The following PTPRQ variants were observed in gnomAD, a reference collection of about 807,000 sequenced individuals.
PTPRQ encodes the protein protein tyrosine phosphatase receptor type Q.
In PTPRQ, 199 loss-of-function variants were observed where a neutral mutation model predicts 246.0. The observed-to-expected ratio is 0.81, with a 90% confidence interval of 0.72 to 0.91. PTPRQ has a LOEUF of 0.91. Ranked by LOEUF, PTPRQ falls within the 40% of genes least tolerant of loss-of-function variation. The pLI is 0.00. For missense variants in PTPRQ, 2,624 were observed against 2,528.4 expected, an observed-to-expected ratio of 1.04 and a Z score of -0.81; for synonymous variants, 869 against 853.2, an observed-to-expected ratio of 1.02 and a Z score of -0.32.
At chr12:80,648,977 C>T in intron 36 of PTPRQ, 54 bp downstream of exon 36, 1 of 1,466,688 alleles carries the variant, frequency 6.8e-7, no homozygotes, top group Non-Finnish European at 9.1e-7. Flanking sequence ...GTTAGATGCA[C>T]TGACTCAGTA....
At chr12:80,609,353 C>G (rs1329604241) in intron 27 of PTPRQ, among the ~76,000 whole-genome samples, 1 of 150,348 alleles carries the variant, frequency 6.7e-6, no homozygotes, top group African/African-American at 2.4e-5. Flanking sequence ...ACCAACCAAC[C>G]AAACAAAAAA....
At chr12:80,543,254 T>C (rs1490304714) in intron 23 of PTPRQ, among the ~76,000 whole-genome samples, 2 of 152,112 alleles carry the variant, frequency 1.3e-5, no homozygotes. Flanking sequence ...TTTAGAAAGG[T>C]ATTCATCTTT....
intron 28 of PTPRQ, 83 bp from the exon 29 acceptor site, chr12:80,613,509 G>T: frequency 7.4e-7 from 1 of 1,348,788 alleles, no homozygotes; most frequent in South Asian, 1.5e-5. Flanking sequence ...TTTAAAAACA[G>T]AAGTTCAAAG....
rs996666342 is a variant in PTPRQ, at chr12:80,572,840, C to G, written c.4286-15289C>G. ...TTGAATGTTAAATTATATTTACATTCCTGGGATAAAACACACTTGATCAGA... is the reference window on the plus strand; with the variant it reads ...TTGAATGTTAAATTATATTTACATTGCTGGGATAAAACACACTTGATCAGA... On this transcript the variant is annotated intron_variant, in intron 25 of 44. Transcript: ENST00000644991. Among the ~76,000 whole-genome samples, 9 of 152,046 alleles carry G rather than the reference C, an allele frequency of 5.9e-5. No homozygotes were observed. The South Asian group carries it at 6.2e-4, about 10-fold the overall frequency.
At chr12:80,487,333 C>T (rs1894309513) in intron 9 of PTPRQ, among the ~76,000 whole-genome samples, 1 of 152,098 alleles carries the variant, frequency 6.6e-6, no homozygotes, top group African/African-American at 2.4e-5. Flanking sequence ...GTGACCTGTG[C>T]AGGTTCCCAC....
intron 33 of PTPRQ, among the ~76,000 whole-genome samples, chr12:80,625,223 C>CT (rs1275249936): frequency 2.0e-5 from 3 of 152,082 alleles, no homozygotes; most frequent in Non-Finnish European, 2.9e-5. Flanking sequence ...TGATTGAGTC[C>CT]TTTTTTTCTC....
At position 80,539,897 on chromosome 12, in the gene PTPRQ, A is replaced by G. The variant is rs1896100193; in HGVS notation, c.3107A>G (p.Asn1036Ser). ...FWLTASTSVGNGNKSSDIIEV... is the reference protein window; with the variant it reads ...FWLTASTSVGSGNKSSDIIEV... ...TTAACAGCAAGTACTTCAGTTGGAAATGGGAATAAAAGCAGTGACATCATT... is the reference window on the plus strand; with the variant it reads ...TTAACAGCAAGTACTTCAGTTGGAAGTGGGAATAAAAGCAGTGACATCATT... The change falls in exon 20 of 45, where the codon AAT becomes AGT. Residue 1036 changes from asparagine (N) to serine (S), a missense_variant. Coordinates refer to ENST00000644991, the MANE Select transcript of PTPRQ (RefSeq NM_001145026.2). 4 of 1,548,966 alleles carry G rather than the reference A, an allele frequency of 2.6e-6. No individual in the cohort carries two copies. The highest frequency in any genetic ancestry group is 3.5e-6 in the Non-Finnish European group (4 of 1,145,658).
chr12:80,661,239 G>A lies in PTPRQ; in HGVS notation c.6192+3178G>A, dbSNP rs544493834. Among the ~76,000 whole-genome samples the A allele has an allele frequency of 4.7e-5, 7 of 149,732 alleles. No homozygotes were observed. In the East Asian group the frequency reaches 1.4e-3, roughly 29 times the overall value. On this transcript the variant is annotated intron_variant, in intron 39 of 44. Transcript: ENST00000644991. ...AATATATATATATAAACACATATAT[G>A]TGTGTATACATAAATATATTTGTAT...
chr12:80,472,891 A>G (rs1176088731), intron 8 of PTPRQ, among the ~76,000 whole-genome samples: 1 of 152,158 alleles, frequency 6.6e-6, no homozygotes, highest in East Asian at 1.9e-4. Flanking sequence ...CTTAATTTCT[A>G]TTTAGGGATT....
intron 25 of PTPRQ, among the ~76,000 whole-genome samples, chr12:80,554,124 G>C (rs988796730): frequency 1.3e-5 from 2 of 152,044 alleles, no homozygotes; most frequent in African/African-American, 2.4e-5. Context: ...AAAAACGCAG[G>C]TAGAATGAAT....
chr12:80,619,578 GGAGTGTA>G (rs1592724177), intron 31 of PTPRQ, 36 bp downstream of exon 31: 1 of 1,473,020 alleles, frequency 6.8e-7, no homozygotes. Flanking sequence ...GTTAAATTGT[GGAGTGTA>G]GATTACTGAG....
chr12:80,465,536 G>T (rs1893365753), intron 6 of PTPRQ: 2 of 152,272 alleles, frequency 1.3e-5, no homozygotes. Context: ...ACCAAAGCCG[G>T]GTAGAGACAC....
chr12:80,509,851 T>G (rs1056986461), intron 16 of PTPRQ, among the ~76,000 whole-genome samples: 1 of 152,130 alleles, frequency 6.6e-6, no homozygotes, highest in African/African-American at 2.4e-5. Flanking sequence ...AGGAATGTAG[T>G]TTTCATCATT....
At chr12:80,539,647 C>T (rs1425182054) in intron 19 of PTPRQ, 129 bp from the exon 20 acceptor site, 11 of 739,710 alleles carry the variant, frequency 1.5e-5, no homozygotes, top group Non-Finnish European at 1.9e-5. Flanking sequence ...TGTTCTATGT[C>T]GATTTTCCTA....
chr12:80,483,367 G>A (rs1437087205), intron 8 of PTPRQ, among the ~76,000 whole-genome samples: 16 of 126,616 alleles, frequency 1.3e-4, no homozygotes, highest in Non-Finnish European at 2.5e-4. Flanking sequence ...CACACTCTGG[G>A]GCCTGTTGTG....
chr12:80,602,108 G>A (rs569067461), intron 26 of PTPRQ, among the ~76,000 whole-genome samples: 3 of 151,688 alleles, frequency 2.0e-5, no homozygotes, highest in South Asian at 2.1e-4. Flanking sequence ...GGGTGTCAAT[G>A]TTCAGATTAT....
intron 25 of PTPRQ, among the ~76,000 whole-genome samples, chr12:80,567,870 G>C (rs536641416): frequency 6.6e-6 from 1 of 152,110 alleles, no homozygotes; most frequent in Admixed American, 6.5e-5. Context: ...CAACAGCACC[G>C]AATGAGAGTT....
chr12:80,657,341 CT>C (rs1447330469), intron 38 of PTPRQ, among the ~76,000 whole-genome samples: 1 of 151,536 alleles, frequency 6.6e-6, no homozygotes, highest in African/African-American at 2.4e-5. Context: ...TTAATAATAC[CT>C]TGTGATAATG....
chr12:80,610,395 T>G, intron 27 of PTPRQ, 44 bp from the exon 28 acceptor site: 1 of 1,426,058 alleles, frequency 7.0e-7, no homozygotes, highest in African/African-American at 1.5e-5. Context: ...GTGACTCAGA[T>G]TTCAAGTGCT....
Sources: gnomAD v4.1 joint callset for allele counts (sites outside exome capture counted in the v4.1 genomes callset) on GRCh38, gnomAD v4.1.1 for gene constraint, MANE v1.5 for transcripts, NCBI Gene and HGNC (gene_info 2026-07-23, HGNC 2026-07-21) for gene names.